The following DPYD variants were observed in gnomAD, a reference collection of about 807,000 sequenced individuals.
The protein encoded by DPYD is dihydropyrimidine dehydrogenase.
A neutral mutation model predicts 116.2 loss-of-function variants in DPYD; 109 were observed. That is an observed-to-expected ratio of 0.94 (90% CI 0.80 to 1.10). The LOEUF is 1.10. Ranked by LOEUF, DPYD falls within the 50% of genes least tolerant of loss-of-function variation. The pLI, the probability that DPYD is intolerant of heterozygous loss-of-function variation, is 0.00. For missense variants in DPYD, 1,302 were observed against 1,254.5 expected, an observed-to-expected ratio of 1.04 and a Z score of -0.57; for synonymous variants, 440 against 432.0, an observed-to-expected ratio of 1.02 and a Z score of -0.23.
At position 97,621,851 on chromosome 1, in the gene DPYD, G is replaced by A. The variant is rs185143774; in HGVS notation, c.851-26685C>T. Among the ~76,000 whole-genome samples the A allele has an allele frequency of 1.6e-3, 241 of 151,722 alleles. 1 individual carries two copies. Among genetic ancestry groups the A allele is most frequent in the Non-Finnish European group, 1.9e-3 (126 of 67,802 alleles). On this transcript the variant is annotated intron_variant, in intron 8 of 22. Transcript: ENST00000370192. ...TGCATGCACATACACACATACACACGCACAGATGTAGATATATTAAAGGGA... is the reference window on the plus strand; with the variant it reads ...TGCATGCACATACACACATACACACACACAGATGTAGATATATTAAAGGGA...
chr1:97,545,556 G>A (rs1288927890), intron 12 of DPYD: 1 of 450,700 alleles, frequency 2.2e-6, no homozygotes, highest in South Asian at 6.5e-5. Flanking sequence ...ACATGAAGAT[G>A]TTTGGTGAAT....
chr1:97,343,091 T>C (rs191154663), intron 16 of DPYD, among the ~76,000 whole-genome samples: 1 of 152,236 alleles, frequency 6.6e-6, no homozygotes, highest in African/African-American at 2.4e-5. Context: ...GTTATAAAAG[T>C]CTTTTGAGAT....
intron 3 of DPYD, among the ~76,000 whole-genome samples, chr1:97,747,573 A>G (rs1664627749): frequency 6.6e-6 from 1 of 152,200 alleles, no homozygotes; most frequent in South Asian, 2.1e-4. Flanking sequence ...CCATGTACCT[A>G]GGACAGGATG....
In DPYD at chr1:97,369,118, A is replaced by G. The variant is rs145825055; in HGVS notation, c.2058+4443T>C. ...ACTCAATGTGGTAAGAACATGTAGCATGTAGGAAAAGGGGAAAACCTCAAA... is the reference window on the plus strand; with the variant it reads ...ACTCAATGTGGTAAGAACATGTAGCGTGTAGGAAAAGGGGAAAACCTCAAA... On this transcript the variant is annotated intron_variant, in intron 16 of 22. Transcript: ENST00000370192. Among the ~76,000 whole-genome samples, 1,240 of 152,306 alleles carry G rather than the reference A, an allele frequency of 8.1e-3. 9 individuals carry two copies. Among genetic ancestry groups the G allele is most frequent in the Non-Finnish European group, 0.012 (850 of 68,028 alleles).
At chr1:97,298,531 C>T (rs1223117306) in intron 18 of DPYD, among the ~76,000 whole-genome samples, 9 of 150,048 alleles carry the variant, frequency 6.0e-5, no homozygotes, top group Admixed American at 3.3e-4. Context: ...ATCTTAAATC[C>T]CATAAATTAA....
intron 3 of DPYD, among the ~76,000 whole-genome samples, chr1:97,808,607 C>T (rs745550898): frequency 3.3e-5 from 5 of 152,040 alleles, no homozygotes; most frequent in Non-Finnish European, 7.4e-5. Context: ...AAACTGTACA[C>T]CTTTATTTTC....
Position 97,880,324 on chromosome 1 carries a change from C to A in DPYD, c.150+2940G>T, listed in dbSNP as rs1351606435. 3.3e-5 allele frequency among the ~76,000 whole-genome samples: 5 copies of A among 150,864 alleles called. No individual in the cohort carries two copies. In the East Asian group the frequency reaches 9.8e-4, roughly 29 times the overall value. On this transcript the variant is annotated intron_variant, in intron 2 of 22. Transcript: ENST00000370192. ...TATCTCATCAGTTACTGGTTACTGG[C>A]TAGCTAGTGGGGATAAAAGTTCCAG...
intron 13 of DPYD, among the ~76,000 whole-genome samples, chr1:97,460,518 G>T (rs1252533805): frequency 6.6e-6 from 1 of 152,132 alleles, no homozygotes; most frequent in Admixed American, 6.5e-5. Context: ...GAAGTATGGT[G>T]CGTTGATATG....
At chr1:97,884,760 T>C (rs1399391817) in intron 1 of DPYD, among the ~76,000 whole-genome samples, 1 of 152,050 alleles carries the variant, frequency 6.6e-6, no homozygotes, top group African/African-American at 2.4e-5. Context: ...AAACTGTGAA[T>C]GTGTTGAGTT....
chr1:97,461,095 C>A (rs1272179144), intron 13 of DPYD, among the ~76,000 whole-genome samples: 32 of 151,702 alleles, frequency 2.1e-4, no homozygotes, highest in Admixed American at 2.1e-3. Context: ...ATTCTTAAGG[C>A]TACTACCTGG....
At chr1:97,403,220 G>A (rs1169643635) in intron 14 of DPYD, among the ~76,000 whole-genome samples, 1 of 152,000 alleles carries the variant, frequency 6.6e-6, no homozygotes, top group East Asian at 1.9e-4. Flanking sequence ...AAAAGTGTGT[G>A]CTTCAACTTC....
chr1:97,084,769 A>C (rs1436058192), intron 21 of DPYD, among the ~76,000 whole-genome samples: 1 of 152,182 alleles, frequency 6.6e-6, no homozygotes, highest in Admixed American at 6.5e-5. Context: ...TTCTGTATTT[A>C]GCAAATTCTA....
In DPYD at chr1:97,822,132, A is replaced by G. The variant is rs896075392; in HGVS notation, c.233+5982T>C. On this transcript the variant is annotated intron_variant, in intron 3 of 22. Coordinates refer to ENST00000370192, the MANE Select transcript of DPYD (RefSeq NM_000110.4). ...GCCTCAAAAAATTATCTTTACGCCAACCAGCCAGATGTAATAGCCACATTT... is the reference window on the plus strand; with the variant it reads ...GCCTCAAAAAATTATCTTTACGCCAGCCAGCCAGATGTAATAGCCACATTT... Among the ~76,000 whole-genome samples, 20 of 151,358 alleles carry G rather than the reference A, an allele frequency of 1.3e-4. No homozygotes were observed. The East Asian group carries it at 3.9e-3, about 29-fold the overall frequency.
intron 16 of DPYD, among the ~76,000 whole-genome samples, chr1:97,360,816 G>T (rs921612340): frequency 6.6e-6 from 1 of 152,132 alleles, no homozygotes; most frequent in Non-Finnish European, 1.5e-5. Flanking sequence ...TGTGTAGAGA[G>T]AAATTTATAG....
At chr1:97,365,715 T>A (rs1670997944) in intron 16 of DPYD, among the ~76,000 whole-genome samples, 1 of 152,052 alleles carries the variant, frequency 6.6e-6, no homozygotes, top group South Asian at 2.1e-4. Context: ...GCAACCTCCG[T>A]CTCTCAGGCT....
chr1:97,307,834 T>C (rs1443347906), intron 16 of DPYD, among the ~76,000 whole-genome samples: 1 of 151,894 alleles, frequency 6.6e-6, no homozygotes, highest in African/African-American at 2.4e-5. Context: ...GGCAGTTGCA[T>C]CTTTGTGACT....
intron 2 of DPYD, among the ~76,000 whole-genome samples, chr1:97,842,605 CATTA>C (rs930659062): frequency 5.3e-5 from 8 of 151,944 alleles, no homozygotes; most frequent in African/African-American, 1.7e-4. Context: ...CTACTGATTT[CATTA>C]ATTATTATAA....
At chr1:97,447,389 G>A (rs181617330) in intron 14 of DPYD, among the ~76,000 whole-genome samples, 89 of 152,252 alleles carry the variant, frequency 5.8e-4, no homozygotes, top group African/African-American at 2.0e-3. Context: ...CCAAAACAGC[G>A]GGGGACTGTC....
At position 97,230,839 on chromosome 1, in the gene DPYD, C is replaced by T. The variant is rs549748823; in HGVS notation, c.2442+4013G>A. 2.0e-5 allele frequency among the ~76,000 whole-genome samples: 3 copies of T among 152,194 alleles called. No individual in the cohort carries two copies. In the South Asian group the frequency reaches 6.2e-4, roughly 32 times the overall value. On this transcript the variant is annotated intron_variant, in intron 19 of 22. Transcript: ENST00000370192. ...CTTCTGAAGAAGAAATCACATGGCT[C>T]ACAAAAGAGAGATGGCAAAGGTCTT...
Sources: allele counts gnomAD v4.1 joint callset (sites outside exome capture counted in the v4.1 genomes callset), GRCh38; gene constraint gnomAD v4.1.1; transcripts MANE v1.5; gene names NCBI Gene and HGNC (gene_info 2026-07-23, HGNC 2026-07-21).